CDC14B: variants seen among roughly 807,000 people sequenced by gnomAD.
CDC14B encodes the protein dual specificity protein phosphatase CDC14B.
In CDC14B, 22 loss-of-function variants were observed where a neutral mutation model predicts 64.2. The ratio of observed to expected loss-of-function variants is 0.34; its 90% confidence interval spans 0.24 to 0.49. CDC14B has a LOEUF of 0.49. Ranked by LOEUF, CDC14B falls within the 20% of genes least tolerant of loss-of-function variation. The pLI is 0.99. For synonymous variants in CDC14B, 191 were observed against 215.8 expected (o/e 0.89, Z 1.01); for missense variants, 498 against 629.9 (o/e 0.79, Z 2.24).
chr9:96,604,393 A>G (rs867536223), intron 1 of CDC14B, among the ~76,000 whole-genome samples: 1 of 130,972 alleles, frequency 7.6e-6, no homozygotes, highest in African/African-American at 2.8e-5. Context: ...TATTATTATT[A>G]TTTTGAGACA....
At position 96,515,614 on chromosome 9, in the gene CDC14B, T is replaced by G. The variant is rs889596707; in HGVS notation, c.1344-5825A>C. ...TGGGAACCACACTAGGCACCAGAAG[T>G]AAGCAACGGCAGAGAAACAGAACGG... On this transcript the variant is annotated intron_variant, in intron 12 of 13. Coordinates refer to ENST00000375241, the MANE Select transcript of CDC14B (RefSeq NM_033331.4). This position sits in a 1 kb window ranked among gnomAD's most constrained non-coding sequence, Gnocchi z 4.3. The G allele has an allele frequency of 2.4e-5, 37 of 1,530,004 alleles. No individual in the cohort carries two copies. Among genetic ancestry groups the G allele is most frequent in the Admixed American group, 4.1e-5 (2 of 49,102 alleles). 94.8% of individuals were successfully genotyped at this position (1,530,004 alleles called of 1,614,324 possible). A position where few individuals can be genotyped will look rare whatever the true frequency, so the allele number is the denominator to read the frequency against.
At chr9:96,601,055 A>T (rs1846408337) in intron 1 of CDC14B, among the ~76,000 whole-genome samples, 1 of 152,218 alleles carries the variant, frequency 6.6e-6, no homozygotes, top group East Asian at 1.9e-4. Context: ...TATATGAAAT[A>T]GGAAGAAACT....
At position 96,565,496 on chromosome 9, in the gene CDC14B, A is replaced by C; in HGVS notation, c.161-13T>G. 6.4e-7 allele frequency: 1 copy of C among 1,553,102 alleles called. No individual in the cohort carries two copies. Among genetic ancestry groups the C allele is most frequent in the East Asian group, 2.2e-5 (1 of 44,528 alleles). ...AAACAAAGGCGATCTGAAATGGAAA[A>C]ATTGCAATGTTCCTTCCTGGAGGTT... On this transcript the variant is annotated splice_polypyrimidine_tract_variant and intron_variant, in intron 1 of 13. Transcript: ENST00000375241.
At chr9:96,521,224 C>T (rs1254646429) in intron 12 of CDC14B, among the ~76,000 whole-genome samples, 3 of 152,068 alleles carry the variant, frequency 2.0e-5, no homozygotes, top group African/African-American at 7.2e-5. Flanking sequence ...ATGCCTACAG[C>T]TCCCACCATC....
chr9:96,613,126 T>C (rs1320434132), intron 1 of CDC14B, among the ~76,000 whole-genome samples: 2 of 152,240 alleles, frequency 1.3e-5, no homozygotes, highest in African/African-American at 4.8e-5. Context: ...ACTACATCAT[T>C]GTGGCCCAAT....
chr9:96,613,966 A>C (rs1847472469), intron 1 of CDC14B, among the ~76,000 whole-genome samples: 1 of 152,200 alleles, frequency 6.6e-6, no homozygotes, highest in Admixed American at 6.5e-5. Flanking sequence ...TTAAAAAGGA[A>C]GGAGGGAGGA....
chr9:96,616,252 G>C (rs965665435), intron 1 of CDC14B, among the ~76,000 whole-genome samples: 5 of 152,010 alleles, frequency 3.3e-5, no homozygotes, highest in African/African-American at 4.8e-5. Context: ...CTTGAACCCG[G>C]GAGGCAGAGG....
At chr9:96,497,891 C>A (rs1459845708), downstream of CDC14B, among the ~76,000 whole-genome samples, 1 of 152,164 alleles carries the variant, frequency 6.6e-6, no homozygotes, top group Non-Finnish European at 1.5e-5. Context: ...TGCAAACAGC[C>A]TGGGCCCAGA....
intron 4 of CDC14B, among the ~76,000 whole-genome samples, chr9:96,562,302 G>A (rs1843319173): frequency 6.6e-6 from 1 of 152,048 alleles, no homozygotes; most frequent in African/African-American, 2.4e-5. Flanking sequence ...ATTAATAGTG[G>A]GGTCCTGACC....
intron 1 of CDC14B, among the ~76,000 whole-genome samples, chr9:96,604,840 T>C (rs988986204): frequency 6.6e-6 from 1 of 152,142 alleles, no homozygotes; most frequent in African/African-American, 2.4e-5. Flanking sequence ...AGCTACTTTT[T>C]TTGTATTTTA....
intron 9 of CDC14B, among the ~76,000 whole-genome samples, chr9:96,531,471 G>A (rs1192181154): frequency 2.6e-5 from 4 of 152,060 alleles, no homozygotes; most frequent in Admixed American, 2.6e-4. Context: ...TGTAGTATCA[G>A]TGGTAATGCC....
At chr9:96,571,156 T>C (rs1276259875) in intron 1 of CDC14B, among the ~76,000 whole-genome samples, 1 of 151,712 alleles carries the variant, frequency 6.6e-6, no homozygotes, top group Non-Finnish European at 1.5e-5. Flanking sequence ...GTCAGACAAC[T>C]ATAAAATTAT....
rs933182787 is a variant in CDC14B at position 96,567,082 on chromosome 9, G to A, written c.161-1599C>T. 2.8e-5 allele frequency: 25 copies of A among 891,890 alleles called. No homozygotes were observed. In the African/African-American group the frequency reaches 2.9e-4, roughly 10 times the overall value. 55.2% of individuals were successfully genotyped at this position (891,890 alleles called of 1,614,324 possible). On this transcript the variant is annotated intron_variant, in intron 1 of 13. Transcript: ENST00000375241. The stretch of plus-strand genomic sequence containing the variant: ...CCCACCTCCCGCTTTCTTTCCCCCC[G>A]CCTGGCCGCCCGCCTTCCTTCCCCA...
intron 7 of CDC14B, chr9:96,538,503 T>C (rs1839598396): frequency 6.6e-6 from 1 of 152,430 alleles, no homozygotes; most frequent in Non-Finnish European, 1.5e-5. Context: ...GAGAAGTGCT[T>C]GAGGCCAGGA....
At chr9:96,603,201 A>G (rs367559687) in intron 1 of CDC14B, among the ~76,000 whole-genome samples, 19 of 149,316 alleles carry the variant, frequency 1.3e-4, no homozygotes, top group African/African-American at 4.2e-4. Flanking sequence ...CAAATACACA[A>G]AACATCTCTG....
chr9:96,531,271 G>A (rs938923306), intron 9 of CDC14B, among the ~76,000 whole-genome samples: 2 of 151,976 alleles, frequency 1.3e-5, no homozygotes, highest in Non-Finnish European at 2.9e-5. Context: ...TCATGTCCAG[G>A]GTTTTGCTTT....
At chr9:96,569,430 G>GC (rs1251700849) in intron 1 of CDC14B, among the ~76,000 whole-genome samples, 1 of 152,108 alleles carries the variant, frequency 6.6e-6, no homozygotes, top group Non-Finnish European at 1.5e-5. Context: ...TTCCCTCCCA[G>GC]CCCAAACCTT....
At chr9:96,541,339 A>G (rs551496575) in intron 6 of CDC14B, among the ~76,000 whole-genome samples, 22 of 152,294 alleles carry the variant, frequency 1.4e-4, no homozygotes, top group African/African-American at 3.6e-4. Flanking sequence ...ATAAAACTGT[A>G]TAACAAACTA....
rs183719246 is a variant in CDC14B, at chr9:96,608,481, G to A, written c.160+10738C>T. Among the ~76,000 whole-genome samples, 52 of 152,116 alleles carry A rather than the reference G, an allele frequency of 3.4e-4. No individual in the cohort carries two copies. In the East Asian group the frequency reaches 5.2e-3, roughly 15 times the overall value. ...GAACAACTCCCCAAAATTTAAGACC[G>A]ACATTTTAATTCTATTATACATTCA... On this transcript the variant is annotated intron_variant, in intron 1 of 13. Coordinates refer to ENST00000375241, the MANE Select transcript of CDC14B (RefSeq NM_033331.4).
Sources: gnomAD v4.1 joint callset for allele counts (sites outside exome capture counted in the v4.1 genomes callset) on GRCh38, gnomAD v4.1.1 for gene constraint, Gnocchi (gnomAD v3.1) non-coding constraint, MANE v1.5 for transcripts, NCBI Gene and HGNC (gene_info 2026-07-23, HGNC 2026-07-21) for gene names.